Variants in DGCR8 observed in about 807,000 individuals in gnomAD.
DGCR8 encodes the protein DGCR8 microprocessor complex subunit.
DGCR8 carries 14 observed loss-of-function variants against 78.5 expected under a neutral mutation model. The observed-to-expected ratio is 0.18, with a 90% CI of 0.12 to 0.28. The LOEUF is 0.28. DGCR8 is among the 10% of genes least tolerant of loss of function. The pLI is 1.00. For missense variants in DGCR8, 702 were observed against 1,022.5 expected (o/e 0.69, Z 4.28); for synonymous variants, 399 against 402.4 (o/e 0.99, Z 0.10).
chr22:20,087,340 A>G lies in DGCR8; in HGVS notation c.880+19A>G. 1 of 1,587,060 alleles carries G rather than the reference A, an allele frequency of 6.3e-7. No individual in the cohort carries two copies. The highest frequency in any genetic ancestry group is 8.6e-7 in the Non-Finnish European group (1 of 1,161,340). ...CTCAAAAGTACGTGTGTGGGTCAGA[A>G]GCAGTGGGTGTTCCAGGGCAGTGGA... On this transcript the variant is annotated intron_variant, in intron 3 of 13. Transcript: ENST00000351989. The surrounding 1 kb of genome is among the most constrained non-coding windows in gnomAD (Gnocchi z 4.1).
intron 1 of DGCR8, among the ~76,000 whole-genome samples, chr22:20,082,113 G>GT (rs1348109791): frequency 1.3e-5 from 2 of 150,056 alleles, no homozygotes; most frequent in Non-Finnish European, 2.9e-5. Context: ...CTGGAGTGCA[G>GT]TGGCGTGATC....
In DGCR8 at chr22:20,090,093, C is replaced by T. The variant is rs1184992242; in HGVS notation, c.1141C>T (p.Pro381Ser). 6.2e-7 allele frequency: 1 copy of T among 1,614,234 alleles called. No individual in the cohort carries two copies. Among genetic ancestry groups the T allele is most frequent in the East Asian group, 2.2e-5 (1 of 44,882 alleles). The change falls in exon 5 of 14, where the codon CCC (proline) becomes TCC (serine). Residue 381 changes from proline (P) to serine (S), a missense_variant. This residue lies in a region of DGCR8 where 119 missense variants were observed against 126.1 expected (regional missense o/e 0.94). Transcript: ENST00000351989. ...TAGTGGGGATGTGTCCCCCGTCAAG[C>T]CCCTGAGCCGATCTGCAGAGCTGGA... Reference protein sequence around the residue: ...TPSGDVSPVKPLSRSAELEFP... With the variant: ...TPSGDVSPVKSLSRSAELEFP...
chr22:20,104,476 C>G (rs1413795131), intron 9 of DGCR8, among the ~76,000 whole-genome samples: 1 of 152,190 alleles, frequency 6.6e-6, no homozygotes, highest in East Asian at 1.9e-4. Flanking sequence ...TGGCGTCGGT[C>G]TTTTGCCAGA....
chr22:20,108,006 T>A (rs1353521604), intron 12 of DGCR8: 2 of 156,152 alleles, frequency 1.3e-5, no homozygotes, highest in Non-Finnish European at 2.8e-5. Flanking sequence ...GAAGTAGTTG[T>A]GGAGGGGTTA....
At chr22:20,092,229 C>A (rs569147373) in intron 7 of DGCR8, among the ~76,000 whole-genome samples, 1 of 152,206 alleles carries the variant, frequency 6.6e-6, no homozygotes, top group Non-Finnish European at 1.5e-5. Flanking sequence ...TTGCTGGTTT[C>A]TGATCCTGCG....
chr22:20,087,367 G>A lies in DGCR8; in HGVS notation c.880+46G>A, dbSNP rs781540081. 1 of 1,547,254 alleles carries A rather than the reference G, an allele frequency of 6.5e-7. No homozygotes were observed. Among genetic ancestry groups the A allele is most frequent in the African/African-American group, 1.4e-5 (1 of 72,794 alleles). ...CAGTGGGTGTTCCAGGGCAGTGGAG[G>A]GGTGGTTGCTTCCTTAGCAGAAATG... On this transcript the variant is annotated intron_variant, in intron 3 of 13. Coordinates refer to ENST00000351989, the MANE Select transcript of DGCR8 (RefSeq NM_022720.7). The surrounding 1 kb of genome is among the most constrained non-coding windows in gnomAD (Gnocchi z 4.1).
At chr22:20,108,801 TCA>T in intron 12 of DGCR8, 87 bp from the exon 13 acceptor site, 4 of 851,726 alleles carry the variant, frequency 4.7e-6, no homozygotes, top group Non-Finnish European at 6.1e-6. Context: ...GCGCCTGCCT[TCA>T]GGGTCCCAGG....
chr22:20,089,586 C>A lies in DGCR8; in HGVS notation c.881-83C>A. 6.6e-7 allele frequency: 1 copy of A among 1,505,680 alleles called. No individual in the cohort carries two copies. The highest frequency in any genetic ancestry group is 9.1e-7 in the Non-Finnish European group (1 of 1,096,536). The allele number at this position is 1,505,680 out of a possible 1,614,324, so 93.3% of individuals were successfully genotyped here. On this transcript the variant is annotated intron_variant, in intron 3 of 13. Transcript: ENST00000351989. This position sits in a 1 kb window ranked among gnomAD's most constrained non-coding sequence, Gnocchi z 4.9. ...CAGTTAAACACATGCTAGTACCCAA[C>A]AATTTCTTGTGCAGGAGGTGCTGTG...
chr22:20,109,778 C>T (rs1478660149), intron 13 of DGCR8, among the ~76,000 whole-genome samples: 1 of 152,240 alleles, frequency 6.6e-6, no homozygotes, highest in African/African-American at 2.4e-5. Context: ...CTTCTTGGTA[C>T]ATGTCCTGAT....
At chr22:20,107,488 G>C in intron 12 of DGCR8, 90 bp downstream of exon 12, 2 of 1,512,416 alleles carry the variant, frequency 1.3e-6, no homozygotes, top group Non-Finnish European at 1.8e-6. Flanking sequence ...GGCAGAGCTG[G>C]GCAGCTCTGC....
At chr22:20,099,803 A>G (rs1476530887) in intron 9 of DGCR8, among the ~76,000 whole-genome samples, 2 of 152,190 alleles carry the variant, frequency 1.3e-5, no homozygotes, top group African/African-American at 4.8e-5. Flanking sequence ...TGGTGCTGTT[A>G]TAAAATATGG....
chr22:20,086,121 C>G lies in DGCR8; in HGVS notation c.158C>G (p.Ser53Cys). 6.2e-7 allele frequency: 1 copy of G among 1,614,178 alleles called. No homozygotes were observed. Among genetic ancestry groups the G allele is most frequent in the Non-Finnish European group, 8.5e-7 (1 of 1,180,040 alleles). Residue 53 changes from serine to cysteine, a missense_variant, in exon 2 of 14, where the codon TCT becomes TGT. By Grantham distance (112) the Ser-to-Cys change is moderately radical. Around this residue, in one of 4 missense-constraint regions of DGCR8, gnomAD observed 356 missense variants for 448.9 expected, o/e 0.79. Coordinates refer to ENST00000351989, the MANE Select transcript of DGCR8 (RefSeq NM_022720.7). The surrounding 1 kb of genome is among the most constrained non-coding windows in gnomAD (Gnocchi z 6.4). The stretch of plus-strand genomic sequence containing the variant: ...GGTGCAGAGGTAATGGACGTTGGCT[C>G]TGGTGGTGATGGACAGTCCGAACTC... ...SSGAEVMDVG[S>C]GGDGQSELPA... is the part of the protein sequence containing the mutation.
chr22:20,103,020 T>C (rs1463144601), intron 9 of DGCR8, among the ~76,000 whole-genome samples: 2 of 151,898 alleles, frequency 1.3e-5, no homozygotes, highest in African/African-American at 2.4e-5. Context: ...TAATCCCAGC[T>C]ACTCAGGAGG....
chr22:20,080,893 C>CA (rs2049410610), intron 1 of DGCR8, among the ~76,000 whole-genome samples: 1 of 152,256 alleles, frequency 6.6e-6, no homozygotes, highest in South Asian at 2.1e-4. Context: ...TGTCTGGTGT[C>CA]AACCGATGGA....
chr22:20,094,973 C>T (rs913468023), intron 9 of DGCR8, among the ~76,000 whole-genome samples, 178 bp downstream of exon 9: 1 of 152,104 alleles, frequency 6.6e-6, no homozygotes, highest in Non-Finnish European at 1.5e-5. Context: ...ACTTGCCTGT[C>T]TTTGTATAGG....
At chr22:20,104,911 A>G (rs1196978851) in intron 9 of DGCR8, among the ~76,000 whole-genome samples, 1 of 152,124 alleles carries the variant, frequency 6.6e-6, no homozygotes, top group East Asian at 1.9e-4. Context: ...CGGGCTTGGC[A>G]CACTGTGGAG....
At position 20,086,172 on chromosome 22, in the gene DGCR8, A is replaced by G. The variant is rs1356566625; in HGVS notation, c.209A>G (p.Tyr70Cys). 5.6e-6 allele frequency: 9 copies of G among 1,613,900 alleles called. No individual in the cohort carries two copies. The highest frequency in any genetic ancestry group is 6.8e-6 in the Non-Finnish European group (8 of 1,180,000). Residue 70 changes from tyrosine (Y) to cysteine (C), a missense_variant, in exon 2 of 14, where the codon TAC becomes TGC. By Grantham distance (194) the Tyr-to-Cys change is radical. This residue lies in a region of DGCR8 where 356 missense variants were observed against 448.9 expected (regional missense o/e 0.79). Coordinates refer to ENST00000351989, the MANE Select transcript of DGCR8 (RefSeq NM_022720.7). This position sits in a 1 kb window ranked among gnomAD's most constrained non-coding sequence, Gnocchi z 6.4. ...CCTGCTGAGGACCCCTTCAACTTCT[A>G]CGGAGCTTCTCTTCTCTCCAAAGGA... is the stretch of plus-strand genomic sequence containing the variant. ...ELPAEDPFNFYGASLLSKGSF... is the reference protein window; with the variant it reads ...ELPAEDPFNFCGASLLSKGSF...
chr22:20,108,263 C>T (rs1291920175), intron 12 of DGCR8: 1 of 152,520 alleles, frequency 6.6e-6, no homozygotes, highest in Admixed American at 6.5e-5. Context: ...TGCTTCTGCC[C>T]TTGCTGTGCA....
intron 9 of DGCR8, chr22:20,100,510 G>C (rs1405361225): frequency 2.0e-6 from 2 of 985,294 alleles, no homozygotes; most frequent in African/African-American, 3.5e-5. Flanking sequence ...TGCCTGAGTT[G>C]TGTAGGTCTC....
Sources: gnomAD v4.1 joint callset for allele counts (sites outside exome capture counted in the v4.1 genomes callset) on GRCh38, gnomAD v4.1.1 for gene constraint, gnomAD v4.1.1 regional missense constraint, Gnocchi (gnomAD v3.1) non-coding constraint, MANE v1.5 for transcripts, NCBI Gene and HGNC (gene_info 2026-07-23, HGNC 2026-07-21) for gene names.